Variants in ZBTB38 observed in about 807,000 individuals in gnomAD.
The protein encoded by ZBTB38 is zinc finger and BTB domain containing 38, also known as zinc finger and BTB domain-containing protein 38.
Under a neutral mutation model 76.8 loss-of-function variants are expected in ZBTB38, and 20 were observed. The ratio of observed to expected loss-of-function variants is 0.26; its 90% confidence interval spans 0.18 to 0.38. The LOEUF (loss-of-function observed/expected upper bound fraction) is 0.38. ZBTB38 is among the 10% of genes least tolerant of loss of function. The pLI is 1.00. For synonymous variants in ZBTB38, 504 were observed against 544.2 expected, an observed-to-expected ratio of 0.93 and a Z score of 1.03; for missense variants, 1,082 against 1,482.3, an observed-to-expected ratio of 0.73 and a Z score of 4.43.
chr3:141,391,922 G>GT (rs796757838), intron 4 of ZBTB38, among the ~76,000 whole-genome samples: 4 of 151,928 alleles, frequency 2.6e-5, no homozygotes, highest in South Asian at 2.1e-4. Flanking sequence ...AACTAGTGAG[G>GT]TTTTTTTTCC....
chr3:141,416,052 G>T (rs568715560), intron 5 of ZBTB38, among the ~76,000 whole-genome samples: 1 of 152,276 alleles, frequency 6.6e-6, no homozygotes, highest in East Asian at 1.9e-4. Context: ...GGTGAAAAGG[G>T]AGGTGTAGCT....
rs1286465253 is a variant in ZBTB38, at chr3:141,445,526, C to T, written c.3138C>T (p.Cys1046=). Residue 1046 remains cysteine, a synonymous_variant, in exon 6 of 6, where the codon TGC becomes TGT. Transcript: ENST00000321464. This position sits in a 1 kb window ranked among gnomAD's most constrained non-coding sequence, Gnocchi z 6.5. ...KPYQCKTCGR[C]FSVQGNLQKH... is the part of the protein sequence containing the mutation. ...ACCAGTGCAAGACCTGCGGACGGTG[C>T]TTTTCGGTGCAAGGAAACTTACAGA... 5.0e-6 allele frequency: 8 copies of T among 1,614,104 alleles called. No individual in the cohort carries two copies. The East Asian group carries it at 1.6e-4, about 31-fold the overall frequency.
intron 1 of ZBTB38, among the ~76,000 whole-genome samples, chr3:141,324,835 T>C (rs1942624926): frequency 6.6e-6 from 1 of 152,212 alleles, no homozygotes; most frequent in Non-Finnish European, 1.5e-5. Flanking sequence ...ATCCCTGCTA[T>C]CTGGAGTCAA....
chr3:141,354,963 G>A (rs1385751846), intron 1 of ZBTB38, among the ~76,000 whole-genome samples: 1 of 151,976 alleles, frequency 6.6e-6, no homozygotes, highest in African/African-American at 2.4e-5. Context: ...TTATTTTTAG[G>A]ATGGGTAGTG....
chr3:141,399,092 G>T (rs1368790817), intron 4 of ZBTB38, among the ~76,000 whole-genome samples: 1 of 151,396 alleles, frequency 6.6e-6, no homozygotes, highest in African/African-American at 2.4e-5. Flanking sequence ...TGTAACTTGG[G>T]AGTTACATCT....
At chr3:141,370,838 T>C (rs767541969) in intron 2 of ZBTB38, among the ~76,000 whole-genome samples, 2 of 152,156 alleles carry the variant, frequency 1.3e-5, no homozygotes, top group Admixed American at 6.6e-5. Flanking sequence ...GTGACAGAAT[T>C]CTGCTCCCCC....
At chr3:141,425,161 C>T (rs1410546503) in intron 5 of ZBTB38, among the ~76,000 whole-genome samples, 3 of 152,170 alleles carry the variant, frequency 2.0e-5, no homozygotes, top group African/African-American at 7.2e-5. Context: ...CATGGTGTGC[C>T]TTATCCTAAA....
intron 5 of ZBTB38, chr3:141,426,217 A>T: frequency 7.8e-7 from 1 of 1,288,248 alleles, no homozygotes; most frequent in Non-Finnish European, 1.0e-6. Flanking sequence ...GGTCGTGCGG[A>T]CTATATATCT....
rs139346071 is a variant in ZBTB38, at chr3:141,333,453, C to T, written c.-739+8997C>T. On this transcript the variant is annotated intron_variant, in intron 1 of 7. Transcript: ENST00000509842. ...GACCTCATGGCTCCAAAGCCTGCTGCTATCTGGATGGCCAGCCACAGATGG... is the reference window on the plus strand; with the variant it reads ...GACCTCATGGCTCCAAAGCCTGCTGTTATCTGGATGGCCAGCCACAGATGG... Among the ~76,000 whole-genome samples, 399 of 152,190 alleles carry T rather than the reference C, an allele frequency of 2.6e-3. 2 individuals carry two copies. Among genetic ancestry groups the T allele is most frequent in the South Asian group, 9.6e-3 (46 of 4,810 alleles).
chr3:141,355,721 AG>A (rs1227056135), intron 1 of ZBTB38, among the ~76,000 whole-genome samples: 1 of 152,064 alleles, frequency 6.6e-6, no homozygotes, highest in African/African-American at 2.4e-5. Context: ...TTCCCATCTT[AG>A]GGGGGTCACC....
At chr3:141,378,033 C>T (rs1261998103) in intron 2 of ZBTB38, among the ~76,000 whole-genome samples, 3 of 151,962 alleles carry the variant, frequency 2.0e-5, no homozygotes, top group Admixed American at 6.6e-5. Flanking sequence ...ACAAAACTAG[C>T]GGGATATGTG....
intron 2 of ZBTB38, among the ~76,000 whole-genome samples, chr3:141,375,669 C>T (rs762780997): frequency 6.6e-6 from 1 of 152,130 alleles, no homozygotes; most frequent in African/African-American, 2.4e-5. Flanking sequence ...ACCAAGACAG[C>T]GGAGCAGGGT....
rs114197688 is a variant in ZBTB38 at position 141,406,914 on chromosome 3, G to T, written c.-1+2883G>T. On this transcript the variant is annotated intron_variant, in intron 5 of 5. Transcript: ENST00000321464. The stretch of plus-strand genomic sequence containing the variant: ...GTTTTCCTTTTTAAGGTAATATGAC[G>T]TGTATGATGAATATTAAGTGGTTTA... 2.0e-5 allele frequency among the ~76,000 whole-genome samples: 3 copies of T among 152,204 alleles called. No individual in the cohort carries two copies. In the East Asian group the frequency reaches 5.8e-4, roughly 29 times the overall value.
At chr3:141,406,310 G>A (rs1954395457) in intron 5 of ZBTB38, among the ~76,000 whole-genome samples, 1 of 152,096 alleles carries the variant, frequency 6.6e-6, no homozygotes, top group Non-Finnish European at 1.5e-5. Flanking sequence ...AGCCAGTTAA[G>A]CTACTACAAC....
intron 1 of ZBTB38, among the ~76,000 whole-genome samples, chr3:141,341,554 G>A (rs1943199460): frequency 6.6e-6 from 1 of 152,204 alleles, no homozygotes; most frequent in African/African-American, 2.4e-5. Context: ...TGAGAATGGA[G>A]AGCCAAGGGC....
intron 5 of ZBTB38, among the ~76,000 whole-genome samples, chr3:141,428,010 C>G (rs2076725436): frequency 6.6e-6 from 1 of 152,224 alleles, no homozygotes; most frequent in African/African-American, 2.4e-5. Flanking sequence ...CCTGGCCAGC[C>G]ATGAAGGATC....
upstream of ZBTB38, among the ~76,000 whole-genome samples, chr3:141,364,527 A>G (rs1336869167): frequency 2.0e-5 from 3 of 151,388 alleles, no homozygotes; most frequent in Non-Finnish European, 4.4e-5. Flanking sequence ...AAAATACAAA[A>G]TAAGCCAGGT....
chr3:141,426,036 G>A (rs2150321710), intron 5 of ZBTB38: 1 of 772,978 alleles, frequency 1.3e-6, no homozygotes, highest in South Asian at 1.5e-5. Context: ...GACATATGTA[G>A]GTGACTTCCT....
chr3:141,418,994 A>G (rs780349948), intron 5 of ZBTB38, among the ~76,000 whole-genome samples: 3 of 152,228 alleles, frequency 2.0e-5, no homozygotes, highest in Non-Finnish European at 4.4e-5. Context: ...ACCATATTGT[A>G]TTAGTCTGTT....
Sources: gnomAD v4.1 joint callset for allele counts (sites outside exome capture counted in the v4.1 genomes callset) on GRCh38, gnomAD v4.1.1 for gene constraint, Gnocchi (gnomAD v3.1) non-coding constraint, MANE v1.5 for transcripts, NCBI Gene and HGNC (gene_info 2026-07-23, HGNC 2026-07-21) for gene names.